Variants in RASA3 observed in about 807,000 individuals in gnomAD.
RASA3 encodes RAS p21 protein activator 3, also known as ras GTPase-activating protein 3.
A neutral mutation model predicts 110.0 loss-of-function variants in RASA3; 73 were observed. The ratio of observed to expected loss-of-function variants is 0.66; its 90% CI spans 0.55 to 0.81. RASA3 has a LOEUF of 0.81. RASA3 is among the 30% of genes least tolerant of loss of function. The pLI is 0.00. For missense variants in RASA3, 976 were observed against 1,113.2 expected (o/e 0.88, Z 1.75); for synonymous variants, 500 against 451.4 (o/e 1.11, Z -1.37).
At chr13:114,111,615 C>G (rs12876358) in intron 1 of RASA3, among the ~76,000 whole-genome samples, 2,032 of 55,964 alleles carry the variant, frequency 0.036, 84 homozygotes, top group Non-Finnish European at 0.053. Flanking sequence ...AGCTGCAGGC[C>G]GAGTTCTAAC....
chr13:114,024,303 T>G lies in RASA3; in HGVS notation c.656A>C (p.Glu219Ala). 1 of 1,613,972 alleles carries G rather than the reference T, an allele frequency of 6.2e-7. No individual in the cohort carries two copies. The highest frequency in any genetic ancestry group is 8.5e-7 in the Non-Finnish European group (1 of 1,179,944). ...CCTGATTTCGAGCTTGTCCACGTCT[T>G]CCTCCTCAAAGTCAAAGTGGGACTT... ...SKKSHFDFEE[E>A]DVDKLEIRVD... is the part of the protein sequence containing the mutation. Residue 219 changes from glutamate to alanine, a missense_variant, in exon 8 of 24, where the codon GAA (glutamate) becomes GCA (alanine). By Grantham distance (107) the Glu-to-Ala change is moderately radical (BLOSUM62 -1). Transcript: ENST00000334062.
chr13:114,041,788 G>C (rs1269012861), intron 3 of RASA3, among the ~76,000 whole-genome samples: 2 of 152,250 alleles, frequency 1.3e-5, no homozygotes, highest in East Asian at 1.9e-4. Context: ...ACGCGACGTG[G>C]GTTGGTCTGA....
intron 1 of RASA3, among the ~76,000 whole-genome samples, chr13:114,106,120 C>T (rs2080132653): frequency 6.6e-6 from 1 of 152,194 alleles, no homozygotes; most frequent in South Asian, 2.1e-4. Context: ...CATGGCAGAG[C>T]GGCACACGGC....
chr13:114,028,268 A>G (rs2054069395), intron 5 of RASA3, among the ~76,000 whole-genome samples: 3 of 150,364 alleles, frequency 2.0e-5, no homozygotes, highest in Non-Finnish European at 4.4e-5. Context: ...AAACAGCATC[A>G]TCTGGGAGCC....
At chr13:113,982,802 G>A (rs1440264703) in intron 22 of RASA3, among the ~76,000 whole-genome samples, 3 of 152,220 alleles carry the variant, frequency 2.0e-5, no homozygotes, top group African/African-American at 4.8e-5. Context: ...CCCTATAGAA[G>A]ACACCAAGGA....
At position 114,024,153 on chromosome 13, in the gene RASA3, G is replaced by A; in HGVS notation, c.680+126C>T. The A allele has an allele frequency of 2.9e-6, 3 of 1,037,892 alleles. 1 individual carries two copies. The South Asian group carries it at 4.1e-5, about 14-fold the overall frequency. The allele number at this position is 1,037,892 out of a possible 1,614,324, so 64.3% of individuals were successfully genotyped here. On this transcript the variant is annotated intron_variant, in intron 8 of 23. Transcript: ENST00000334062. ...ACTACAACTTCTAACATCCTGTTGT[G>A]AAAATTACCAAGAAAATGGAAATTC...
In RASA3 at chr13:114,000,839, GTAGGTAAA is replaced by G. The variant is rs1566461049; in HGVS notation, c.1828_1835del (p.Phe610ProfsTer88). 1 of 1,610,190 alleles carries G rather than the reference GTAGGTAAA, an allele frequency of 6.2e-7. No homozygotes were observed. Reference sequence around the variant, plus strand: ...CTTGCTCCTTACCTTTGCTTTTGTGGTAGGTAAATTCATGGTTGGTCAAGCGAAACCAT... The same window carrying G: ...CTTGCTCCTTACCTTTGCTTTTGTGGTTCATGGTTGGTCAAGCGAAACCAT... On this transcript the variant is annotated frameshift_variant, in exon 19 of 24. Coordinates refer to ENST00000334062, the MANE Select transcript of RASA3 (RefSeq NM_007368.4). LOFTEE classifies it high-confidence loss of function.
chr13:113,991,585 C>T (rs1417475231), intron 22 of RASA3, among the ~76,000 whole-genome samples: 1 of 152,188 alleles, frequency 6.6e-6, no homozygotes, highest in East Asian at 1.9e-4. Context: ...AACCACTGTC[C>T]CCATGTGGTC....
In RASA3 at chr13:114,066,970, A is replaced by G. The variant is rs1190048619; in HGVS notation, c.173+6750T>C. The stretch of plus-strand genomic sequence containing the variant: ...GGGCCTCCCCACCTGGGCTGAGGAC[A>G]GGCCCCCCTACCTGGGCTGAGGACG... On this transcript the variant is annotated intron_variant, in intron 2 of 23. Coordinates refer to ENST00000334062, the MANE Select transcript of RASA3 (RefSeq NM_007368.4). 1.5e-3 allele frequency among the ~76,000 whole-genome samples: 203 copies of G among 131,382 alleles called. 2 individuals are homozygous for G. The highest frequency in any genetic ancestry group is 1.1e-3 in the Non-Finnish European group (71 of 62,234). 86.2% of individuals were successfully genotyped at this position (131,382 alleles called of 152,430 possible). A position where few individuals can be genotyped will look rare whatever the true frequency, so the allele number is the denominator to read the frequency against.
chr13:114,050,153 T>A (rs1166921132), intron 3 of RASA3, among the ~76,000 whole-genome samples: 1 of 152,116 alleles, frequency 6.6e-6, no homozygotes, highest in Non-Finnish European at 1.5e-5. Flanking sequence ...GACATAAAGC[T>A]ATGGGCCTGA....
chr13:114,002,400 C>G (rs1205724750), intron 18 of RASA3, among the ~76,000 whole-genome samples: 1 of 152,046 alleles, frequency 6.6e-6, no homozygotes, highest in Non-Finnish European at 1.5e-5. Context: ...GCCGTTCATT[C>G]CAGGGATTCA....
chr13:114,110,530 G>A (rs1171398745), intron 1 of RASA3, among the ~76,000 whole-genome samples: 1 of 152,150 alleles, frequency 6.6e-6, no homozygotes, highest in Non-Finnish European at 1.5e-5. Flanking sequence ...CTGCGCACTC[G>A]GCCGCCACCT....
intron 22 of RASA3, among the ~76,000 whole-genome samples, chr13:113,991,612 G>A (rs993636573): frequency 7.2e-5 from 11 of 152,168 alleles, no homozygotes; most frequent in African/African-American, 2.7e-4. Flanking sequence ...GGCTTATCTG[G>A]ATTGCTATTT....
chr13:114,070,275 G>A (rs1248797336), intron 2 of RASA3, among the ~76,000 whole-genome samples: 2 of 151,782 alleles, frequency 1.3e-5, no homozygotes, highest in East Asian at 1.9e-4. Flanking sequence ...CAAAGTGGGT[G>A]CCACCATGGA....
chr13:114,045,580 G>A (rs1296545012), intron 3 of RASA3, among the ~76,000 whole-genome samples: 1 of 152,028 alleles, frequency 6.6e-6, no homozygotes, highest in African/African-American at 2.4e-5. Flanking sequence ...AAAAACAAAG[G>A]CCATACAGAT....
chr13:114,001,522 C>T lies in RASA3; in HGVS notation c.1743-590G>A, dbSNP rs1594299525. 2.7e-5 allele frequency among the ~76,000 whole-genome samples: 4 copies of T among 147,130 alleles called. 1 individual carries two copies. The highest frequency in any genetic ancestry group is 1.0e-4 in the African/African-American group (4 of 39,138). On this transcript the variant is annotated intron_variant, in intron 18 of 23. Coordinates refer to ENST00000334062, the MANE Select transcript of RASA3 (RefSeq NM_007368.4). ...TCGGGGTCAGGGCAGGCAGTGGACG[C>T]TCACACACAGAGGACCTACAGCCGC...
intron 4 of RASA3, among the ~76,000 whole-genome samples, chr13:114,031,494 G>A (rs545832924): frequency 2.3e-4 from 34 of 151,018 alleles, no homozygotes; most frequent in Admixed American, 5.3e-4. Context: ...GTGTGTGTGC[G>A]CGACTGTGTC....
In RASA3 at chr13:114,117,304, T is replaced by C. The variant is rs2080298344; in HGVS notation, c.55+15131A>G. 2.9e-5 allele frequency among the ~76,000 whole-genome samples: 3 copies of C among 102,704 alleles called. 1 individual carries two copies. Among genetic ancestry groups the C allele is most frequent in the Admixed American group, 2.1e-4 (2 of 9,356 alleles). 67.4% of individuals were successfully genotyped at this position (102,704 alleles called of 152,430 possible). Reference sequence around the variant, plus strand: ...TGCATGTGTGTGAGGAGAGCACGTGTGTGAGGGGTGCACGTGTGTGACAGA... The same window carrying C: ...TGCATGTGTGTGAGGAGAGCACGTGCGTGAGGGGTGCACGTGTGTGACAGA... On this transcript the variant is annotated intron_variant, in intron 1 of 23. Transcript: ENST00000334062.
Position 114,048,148 on chromosome 13 carries a change from T to C in RASA3, c.277+3904A>G, listed in dbSNP as rs1057157877. Among the ~76,000 whole-genome samples the C allele has an allele frequency of 1.3e-5, 2 of 151,990 alleles. No individual in the cohort carries two copies. Among genetic ancestry groups the C allele is most frequent in the African/African-American group, 4.8e-5 (2 of 41,390 alleles). On this transcript the variant is annotated intron_variant, in intron 3 of 23. Coordinates refer to ENST00000334062, the MANE Select transcript of RASA3 (RefSeq NM_007368.4). The surrounding 1 kb of genome is among the most constrained non-coding windows in gnomAD (Gnocchi z 4.3). ...GGCTAACACGGTGAAACCCCGTCTC[T>C]ACTGAAAATACAAAAAATTAGCCGG...
Sources: gnomAD v4.1 joint callset for allele counts (sites outside exome capture counted in the v4.1 genomes callset) on GRCh38, gnomAD v4.1.1 for gene constraint, Gnocchi (gnomAD v3.1) non-coding constraint, MANE v1.5 for transcripts, NCBI Gene and HGNC (gene_info 2026-07-23, HGNC 2026-07-21) for gene names.